The following HRH2 variants were observed in gnomAD, a reference collection of about 807,000 sequenced individuals.
The protein encoded by HRH2 is histamine H2 receptor.
Under a neutral mutation model 20.1 loss-of-function variants are expected in HRH2, and 4 were observed. The observed-to-expected ratio is 0.20, with a 90% CI of 0.10 to 0.45. The LOEUF is 0.45. Ranked by LOEUF, HRH2 falls within the 20% of genes least tolerant of loss-of-function variation. The pLI is 0.99. For missense variants in HRH2, 250 were observed against 461.6 expected, an observed-to-expected ratio of 0.54 and a Z score of 4.20; for synonymous variants, 197 against 200.7, an observed-to-expected ratio of 0.98 and a Z score of 0.16.
At chr5:175,700,278 G>A (rs1285410803) in intron 2 of HRH2, among the ~76,000 whole-genome samples, 1 of 152,226 alleles carries the variant, frequency 6.6e-6, no homozygotes, top group Non-Finnish European at 1.5e-5. Flanking sequence ...GTGGGTACCG[G>A]CTACCGGAGA....
chr5:175,684,507 CACAT>C, intron 2 of HRH2, 198 bp downstream of exon 2: 4 of 329,128 alleles, frequency 1.2e-5, no homozygotes, highest in Non-Finnish European at 1.7e-5. Flanking sequence ...TTAAAAGGAG[CACAT>C]TAAAATTCTC....
chr5:175,687,114 G>A lies in HRH2; in HGVS notation c.1076+2805G>A, dbSNP rs776468157. Among the ~76,000 whole-genome samples, 12 of 152,226 alleles carry A rather than the reference G, an allele frequency of 7.9e-5. No individual in the cohort carries two copies. Among genetic ancestry groups the A allele is most frequent in the Non-Finnish European group, 2.9e-5 (2 of 68,042 alleles). On this transcript the variant is annotated intron_variant, in intron 2 of 2. Transcript: ENST00000636584. The surrounding 1 kb of genome is among the most constrained non-coding windows in gnomAD (Gnocchi z 5.2). ...GCTATGGTCTGTCCTCCAGCCCCCA[G>A]GAGCAGGGGCAGAGGGCTTTGGCAG...
At position 175,693,187 on chromosome 5, in the gene HRH2, G is replaced by A. The variant is rs981425654; in HGVS notation, c.1076+8878G>A. Among the ~76,000 whole-genome samples the A allele has an allele frequency of 6.6e-6, 1 of 152,190 alleles. No homozygotes were observed. Among genetic ancestry groups the A allele is most frequent in the Non-Finnish European group, 1.5e-5 (1 of 68,038 alleles). On this transcript the variant is annotated intron_variant, in intron 2 of 2. Coordinates refer to ENST00000636584, the MANE Select transcript of HRH2 (RefSeq NM_001367711.1). The surrounding 1 kb of genome is among the most constrained non-coding windows in gnomAD (Gnocchi z 4.4). The stretch of plus-strand genomic sequence containing the variant: ...CTGAAGCAGCAGTGGTGAGTCACAG[G>A]GCTCCCTGTTTTGGGGGCTTCATTA...
intron 2 of HRH2, among the ~76,000 whole-genome samples, chr5:175,692,720 T>G (rs1417577689): frequency 6.6e-6 from 1 of 152,220 alleles, no homozygotes; most frequent in Non-Finnish European, 1.5e-5. Flanking sequence ...ACCCTAAGCC[T>G]GGTGCCCCCC....
rs1029876309 is a variant in HRH2 at position 175,687,414 on chromosome 5, G to C, written c.1076+3105G>C. 1.3e-5 allele frequency among the ~76,000 whole-genome samples: 2 copies of C among 152,122 alleles called. No individual in the cohort carries two copies. Among genetic ancestry groups the C allele is most frequent in the African/African-American group, 4.8e-5 (2 of 41,432 alleles). ...CTGAGCCAAGAATTCCGAAGGGAACGGAGCCAGCCTGCCCTGGGTGGGGTG... is the reference window on the plus strand; with the variant it reads ...CTGAGCCAAGAATTCCGAAGGGAACCGAGCCAGCCTGCCCTGGGTGGGGTG... On this transcript the variant is annotated intron_variant, in intron 2 of 2. Transcript: ENST00000636584. The surrounding 1 kb of genome is among the most constrained non-coding windows in gnomAD (Gnocchi z 5.2).
chr5:175,703,896 GC>G (rs1756863031), intron 2 of HRH2: 1 of 152,054 alleles, frequency 6.6e-6, no homozygotes, highest in Non-Finnish European at 1.5e-5. Context: ...AAATAAAATG[GC>G]AGGCTCACTT....
At position 175,693,090 on chromosome 5, in the gene HRH2, C is replaced by T. The variant is rs888306937; in HGVS notation, c.1076+8781C>T. 8.5e-5 allele frequency among the ~76,000 whole-genome samples: 13 copies of T among 152,270 alleles called. No homozygotes were observed. The highest frequency in any genetic ancestry group is 3.4e-3 in the Middle Eastern group (1 of 294). On this transcript the variant is annotated intron_variant, in intron 2 of 2. Transcript: ENST00000636584. This position sits in a 1 kb window ranked among gnomAD's most constrained non-coding sequence, Gnocchi z 4.4. ...ATTGGCTGTGTGAGCTTGGAGAGAT[C>T]GCATCCCTCTCTGAGTCCCAATTTC... is the stretch of plus-strand genomic sequence containing the variant.
At chr5:175,704,881 T>C (rs964146261) in intron 2 of HRH2, among the ~76,000 whole-genome samples, 6 of 151,840 alleles carry the variant, frequency 4.0e-5, no homozygotes, top group African/African-American at 7.3e-5. Context: ...ATGTCTTTTG[T>C]TAGATGAGTA....
At chr5:175,669,982 A>T (rs1437977266) in intron 1 of HRH2, among the ~76,000 whole-genome samples, 1 of 152,124 alleles carries the variant, frequency 6.6e-6, no homozygotes, top group African/African-American at 2.4e-5. Context: ...CCCAAATTTT[A>T]CTAACCCAGG....
intron 2 of HRH2, among the ~76,000 whole-genome samples, chr5:175,690,311 G>A (rs1018858824): frequency 1.3e-5 from 2 of 152,144 alleles, no homozygotes; most frequent in African/African-American, 4.8e-5. Context: ...CCTAGTATGA[G>A]CCATGGCCAC....
At position 175,684,274 on chromosome 5, in the gene HRH2, G is replaced by A; in HGVS notation, c.1041G>A (p.Gly347=). 1 of 1,614,118 alleles carries A rather than the reference G, an allele frequency of 6.2e-7. No homozygotes were observed. The highest frequency in any genetic ancestry group is 8.5e-7 in the Non-Finnish European group (1 of 1,180,002). The change falls in exon 2 of 3, where the codon GGG becomes GGA. Residue 347 remains glycine, a synonymous_variant. Transcript: ENST00000636584. ...EKPLKLQVWS[G]TEVTAPQGAT... ...CCCTGAAGCTCCAGGTGTGGAGTGG[G>A]ACAGAAGTCACGGCCCCCCAGGGAG... is the stretch of plus-strand genomic sequence containing the variant.
chr5:175,663,635 C>T (rs1232453718), intron 1 of HRH2, among the ~76,000 whole-genome samples: 2 of 152,206 alleles, frequency 1.3e-5, no homozygotes, highest in Non-Finnish European at 2.9e-5. Context: ...AGGGCCAGCT[C>T]GTTCCCCACC....
At chr5:175,664,483 G>C (rs1183948610) in intron 1 of HRH2, among the ~76,000 whole-genome samples, 1 of 152,172 alleles carries the variant, frequency 6.6e-6, no homozygotes, top group Non-Finnish European at 1.5e-5. Context: ...CAAGGAAACA[G>C]AGCTGCAAAA....
Position 175,683,143 on chromosome 5 carries a change from G to A in HRH2, c.-91G>A, listed in dbSNP as rs73339517. The A allele has an allele frequency of 4.2e-4, 576 of 1,360,946 alleles. No individual in the cohort carries two copies. The African/African-American group carries it at 7.8e-3, about 19-fold the overall frequency. 84.3% of individuals were successfully genotyped at this position (1,360,946 alleles called of 1,614,324 possible). A position where few individuals can be genotyped will look rare whatever the true frequency, so the allele number is the denominator to read the frequency against. On this transcript the variant is annotated 5_prime_UTR_variant, in exon 2 of 3. Coordinates refer to ENST00000636584, the MANE Select transcript of HRH2 (RefSeq NM_001367711.1). ...CACATTTTGGATCTGTTGGGAGCTT[G>A]GAGTCCAGTGGTTGGCATAGTTGTC...
chr5:175,662,850 G>T (rs1365640853), intron 1 of HRH2, among the ~76,000 whole-genome samples: 1 of 152,062 alleles, frequency 6.6e-6, no homozygotes, highest in African/African-American at 2.4e-5. Context: ...CCCACTCAAG[G>T]CTCAGCAACC....
chr5:175,667,114 T>C (rs1252097958), intron 1 of HRH2, among the ~76,000 whole-genome samples: 1 of 152,162 alleles, frequency 6.6e-6, no homozygotes, highest in Non-Finnish European at 1.5e-5. Context: ...TTTTAGTCAC[T>C]GTAGACTTAA....
intron 1 of HRH2, among the ~76,000 whole-genome samples, chr5:175,678,157 C>T (rs1318183558): frequency 2.0e-5 from 3 of 152,182 alleles, no homozygotes; most frequent in Non-Finnish European, 2.9e-5. Context: ...ACAGTAGGTC[C>T]CGGATGTTGT....
chr5:175,658,351 G>A (rs2113459040), intron 1 of HRH2, among the ~76,000 whole-genome samples, 196 bp downstream of exon 1: 1 of 152,284 alleles, frequency 6.6e-6, no homozygotes, highest in South Asian at 2.1e-4. Flanking sequence ...AGGTGCCTCC[G>A]CCTGGCCTGC....
chr5:175,674,823 C>A (rs971506460), intron 1 of HRH2, among the ~76,000 whole-genome samples: 2 of 152,222 alleles, frequency 1.3e-5, no homozygotes, highest in African/African-American at 4.8e-5. Context: ...AGCCAGAAGT[C>A]TTTTCCTGCC....
Sources: allele counts gnomAD v4.1 joint callset (sites outside exome capture counted in the v4.1 genomes callset), GRCh38; gene constraint gnomAD v4.1.1; non-coding constraint Gnocchi (gnomAD v3.1); transcripts MANE v1.5; gene names NCBI Gene and HGNC (gene_info 2026-07-23, HGNC 2026-07-21).